Variants in MAGI3 observed in about 807,000 individuals in gnomAD.
MAGI3 encodes membrane associated guanylate kinase, WW and PDZ domain containing 3, also known as membrane-associated guanylate kinase, WW and PDZ domain-containing protein 3.
In MAGI3, 43 loss-of-function variants were observed where a neutral mutation model predicts 121.8. That is an observed-to-expected ratio of 0.35 (90% CI 0.28 to 0.46). MAGI3 has a LOEUF of 0.46. Ranked by LOEUF, MAGI3 falls within the 20% of genes least tolerant of loss-of-function variation. MAGI3 has a pLI of 1.00. For missense variants in MAGI3, 1,547 were observed against 1,797.3 expected (o/e 0.86, Z 2.52); for synonymous variants, 553 against 639.3 (o/e 0.86, Z 2.04).
intron 1 of MAGI3, among the ~76,000 whole-genome samples, chr1:113,528,188 G>A (rs1453997320): frequency 6.6e-6 from 1 of 151,582 alleles, no homozygotes; most frequent in Non-Finnish European, 1.5e-5. Flanking sequence ...ATTTTTTATG[G>A]CTTTTTTTTC....
chr1:113,476,703 T>C (rs1336478270), intron 1 of MAGI3, among the ~76,000 whole-genome samples: 2 of 152,222 alleles, frequency 1.3e-5, no homozygotes, highest in Admixed American at 6.5e-5. Flanking sequence ...ATTCTGTTGA[T>C]TTGGGATGGA....
At chr1:113,541,723 A>T (rs556926880) in intron 1 of MAGI3, among the ~76,000 whole-genome samples, 33 of 152,208 alleles carry the variant, frequency 2.2e-4, no homozygotes, top group Non-Finnish European at 4.3e-4. Context: ...ATATGTTGAT[A>T]GTTGTTAGCT....
intron 11 of MAGI3, among the ~76,000 whole-genome samples, chr1:113,644,073 T>C (rs960543300): frequency 3.3e-5 from 5 of 152,146 alleles, no homozygotes; most frequent in African/African-American, 1.2e-4. Flanking sequence ...CCTAGAGGTC[T>C]TTTTACTTTT....
rs1047172727 is a variant in MAGI3, at chr1:113,496,042, G to C, written c.317-53473G>C. ...CTGACTAATGATTTTGAAGCATTTA[G>C]TGGTTGAAATCTTTCTGTGAGCTTT... On this transcript the variant is annotated intron_variant, in intron 1 of 20. Coordinates refer to ENST00000307546, the MANE Select transcript of MAGI3 (RefSeq NM_001142782.2). Among the ~76,000 whole-genome samples the C allele has an allele frequency of 2.0e-5, 3 of 152,172 alleles. No homozygotes were observed. The East Asian group carries it at 5.8e-4, about 29-fold the overall frequency.
At chr1:113,602,877 G>A (rs909338858) in intron 6 of MAGI3, among the ~76,000 whole-genome samples, 2 of 151,918 alleles carry the variant, frequency 1.3e-5, no homozygotes, top group Non-Finnish European at 1.5e-5. Context: ...GCAGTTAGAC[G>A]AGACTGTCCC....
chr1:113,620,203 G>A (rs752690050), intron 8 of MAGI3, among the ~76,000 whole-genome samples: 15 of 151,940 alleles, frequency 9.9e-5, no homozygotes, highest in Non-Finnish European at 1.2e-4. Flanking sequence ...TAACCACTGA[G>A]GATTCTTCAT....
intron 1 of MAGI3, among the ~76,000 whole-genome samples, chr1:113,457,504 C>T (rs909718180): frequency 5.3e-5 from 8 of 151,854 alleles, no homozygotes; most frequent in African/African-American, 1.7e-4. Context: ...ATGTGCTGCC[C>T]CGTACATTTC....
intron 6 of MAGI3, among the ~76,000 whole-genome samples, chr1:113,597,631 A>C (rs1448777080): frequency 6.6e-6 from 1 of 152,194 alleles, no homozygotes; most frequent in Non-Finnish European, 1.5e-5. Flanking sequence ...TACCATCTAC[A>C]TCCTTTAGAA....
intron 1 of MAGI3, among the ~76,000 whole-genome samples, chr1:113,410,733 C>T (rs1651931053): frequency 6.6e-6 from 1 of 152,004 alleles, no homozygotes; most frequent in Non-Finnish European, 1.5e-5. Context: ...TTCCAGGCCT[C>T]ATCTCACAGC....
intron 1 of MAGI3, among the ~76,000 whole-genome samples, chr1:113,415,841 A>C (rs539834436): frequency 3.2e-4 from 49 of 152,072 alleles, no homozygotes; most frequent in African/African-American, 1.1e-3. Context: ...TGTAGTCTTT[A>C]AATGAGTGCG....
Position 113,624,795 on chromosome 1 carries a change from T to C in MAGI3, c.1360+1801T>C, listed in dbSNP as rs149339326. ...GAAGAAATTTTTGCCCAGACCAATG[T>C]CCTGGAGAGTTTCCCCAATGTTTTC... On this transcript the variant is annotated intron_variant, in intron 9 of 20. Coordinates refer to ENST00000307546, the MANE Select transcript of MAGI3 (RefSeq NM_001142782.2). 2.4e-3 allele frequency among the ~76,000 whole-genome samples: 360 copies of C among 152,346 alleles called. 1 individual carries two copies. Among genetic ancestry groups the C allele is most frequent in the African/African-American group, 8.1e-3 (336 of 41,580 alleles).
chr1:113,474,347 G>A (rs1655697998), intron 1 of MAGI3, among the ~76,000 whole-genome samples: 1 of 152,194 alleles, frequency 6.6e-6, no homozygotes. Flanking sequence ...CCATGCTTAT[G>A]TTATGAATGG....
chr1:113,558,177 T>G (rs893930663), intron 2 of MAGI3, among the ~76,000 whole-genome samples: 2 of 151,968 alleles, frequency 1.3e-5, no homozygotes, highest in African/African-American at 4.8e-5. Flanking sequence ...CCACAACACT[T>G]CTCCAGCAAG....
At chr1:113,573,196 A>G (rs968371158) in intron 2 of MAGI3, among the ~76,000 whole-genome samples, 7 of 152,192 alleles carry the variant, frequency 4.6e-5, no homozygotes, top group Non-Finnish European at 8.8e-5. Flanking sequence ...AAGTGCTGGG[A>G]TTACAGGCGT....
At chr1:113,648,326 C>G (rs1183635629) in intron 12 of MAGI3, among the ~76,000 whole-genome samples, 1 of 152,052 alleles carries the variant, frequency 6.6e-6, no homozygotes, top group Non-Finnish European at 1.5e-5. Context: ...TCTCTCTTTA[C>G]AGTAAATACT....
chr1:113,456,230 G>A (rs906021211), intron 1 of MAGI3, among the ~76,000 whole-genome samples: 1 of 150,082 alleles, frequency 6.7e-6, no homozygotes, highest in African/African-American at 2.5e-5. Context: ...CTCCCAAAGT[G>A]CTGGGATTAC....
chr1:113,472,204 G>GTT lies in MAGI3; in HGVS notation c.317-77296_317-77295dup, dbSNP rs752606893. On this transcript the variant is annotated intron_variant, in intron 1 of 20. Coordinates refer to ENST00000307546, the MANE Select transcript of MAGI3 (RefSeq NM_001142782.2). ...TGTAGGCAGCATATAGATAGATCTT[G>GTT]TTTTTTTTTTTTTTTTGAGACAGAG... Among the ~76,000 whole-genome samples, 46 of 137,804 alleles carry GTT rather than the reference G, an allele frequency of 3.3e-4. 1 individual carries two copies. The highest frequency in any genetic ancestry group is 4.8e-4 in the African/African-American group (18 of 37,688). 90.4% of individuals were successfully genotyped at this position (137,804 alleles called of 152,430 possible).
chr1:113,597,706 T>C (rs1649107793), intron 6 of MAGI3, among the ~76,000 whole-genome samples: 1 of 152,210 alleles, frequency 6.6e-6, no homozygotes, highest in African/African-American at 2.4e-5. Flanking sequence ...GTTCTATCTT[T>C]AACCACCTTA....
At chr1:113,464,210 T>C (rs1293569054) in intron 1 of MAGI3, among the ~76,000 whole-genome samples, 1 of 152,058 alleles carries the variant, frequency 6.6e-6, no homozygotes, top group Non-Finnish European at 1.5e-5. Context: ...CTTTATGAGA[T>C]CCACTTTTTT....
Sources: gnomAD v4.1 joint callset for allele counts (sites outside exome capture counted in the v4.1 genomes callset) on GRCh38, gnomAD v4.1.1 for gene constraint, MANE v1.5 for transcripts, NCBI Gene and HGNC (gene_info 2026-07-23, HGNC 2026-07-21) for gene names.